GRAMD1B: variants seen among roughly 807,000 people sequenced by gnomAD.
GRAMD1B encodes the protein GRAM domain containing 1B, also known as protein Aster-B.
In GRAMD1B, 37 loss-of-function variants were observed where a neutral mutation model predicts 99.7. That is an observed-to-expected ratio of 0.37 (90% confidence interval 0.29 to 0.49). The LOEUF is 0.49. Among genes scored for constraint, GRAMD1B ranks in the 20% least tolerant of loss-of-function variants. The pLI, the probability that GRAMD1B is intolerant of heterozygous loss-of-function variation, is 0.98. For missense variants in GRAMD1B, 888 were observed against 1,009.2 expected (o/e 0.88, Z 1.63); for synonymous variants, 427 against 387.6 (o/e 1.10, Z -1.19).
chr11:123,555,803 G>A (rs1347013454), intron 2 of GRAMD1B, among the ~76,000 whole-genome samples: 3 of 151,778 alleles, frequency 2.0e-5, no homozygotes, highest in African/African-American at 4.8e-5. Flanking sequence ...GCACGATCTC[G>A]GCTCACCACA....
Position 123,626,036 on chromosome 11 carries a change from C to G in GRAMD1B, c.*3441C>G, listed in dbSNP as rs1209079949. ...TTAGAAGGGTTTCTTTCTCTTTGGC[C>G]TAGTTTGTGAAGGGATCTTCCTTTG... On this transcript the variant is annotated 3_prime_UTR_variant, in exon 20 of 20. Coordinates refer to ENST00000635736, the MANE Select transcript of GRAMD1B (RefSeq NM_001387025.1). 6.7e-6 allele frequency: 1 copy of G among 149,638 alleles called. No individual in the cohort carries two copies. Among genetic ancestry groups the G allele is most frequent in the Non-Finnish European group, 1.5e-5 (1 of 67,740 alleles). The allele number at this position is 149,638 out of a possible 1,614,324, so 9.3% of individuals were successfully genotyped here. A position where few individuals can be genotyped will look rare whatever the true frequency, so the allele number is the denominator to read the frequency against.
chr11:123,422,860 C>T (rs555571949), intron 1 of GRAMD1B, among the ~76,000 whole-genome samples: 5 of 152,296 alleles, frequency 3.3e-5, no homozygotes, highest in South Asian at 2.1e-4. Flanking sequence ...CCTTCTCCCT[C>T]GTGTTCACTC....
chr11:123,541,986 C>T (rs1944582694), intron 2 of GRAMD1B, among the ~76,000 whole-genome samples: 1 of 152,148 alleles, frequency 6.6e-6, no homozygotes, highest in African/African-American at 2.4e-5. Flanking sequence ...GCATCAGGTG[C>T]CAGGTAGATG....
chr11:123,573,644 C>T (rs556569467), intron 2 of GRAMD1B, among the ~76,000 whole-genome samples: 1 of 152,144 alleles, frequency 6.6e-6, no homozygotes, highest in Non-Finnish European at 1.5e-5. Context: ...AAATATATCA[C>T]CTGAAAAATG....
chr11:123,481,530 G>A (rs1951608498), intron 2 of GRAMD1B, among the ~76,000 whole-genome samples: 1 of 152,218 alleles, frequency 6.6e-6, no homozygotes, highest in East Asian at 1.9e-4. Context: ...TGGGTACAAT[G>A]TGGGTCAGGA....
At chr11:123,365,275 A>G (rs927626311) in intron 1 of GRAMD1B, among the ~76,000 whole-genome samples, 3 of 149,436 alleles carry the variant, frequency 2.0e-5, no homozygotes, top group Non-Finnish European at 4.4e-5. Flanking sequence ...TTTTTTTAAC[A>G]GCGTCTCACA....
chr11:123,443,999 T>C (rs1422197810), intron 1 of GRAMD1B, among the ~76,000 whole-genome samples: 1 of 152,076 alleles, frequency 6.6e-6, no homozygotes, highest in Non-Finnish European at 1.5e-5. Context: ...CCAAAGTTCT[T>C]ATTATGTAGA....
At position 123,457,181 on chromosome 11, in the gene GRAMD1B, A is replaced by G. The variant is rs147923416; in HGVS notation, c.375-23635A>G. Among the ~76,000 whole-genome samples, 173 of 139,514 alleles carry G rather than the reference A, an allele frequency of 1.2e-3. 2 individuals carry two copies. In the East Asian group the frequency reaches 0.031, roughly 25 times the overall value. 91.5% of individuals were successfully genotyped at this position (139,514 alleles called of 152,430 possible). ...CTCGAATCCCTTCCTGCTGTGAAGT[A>G]TCGGCTCATGATTTTATTAATAAAA... On this transcript the variant is annotated intron_variant, in intron 1 of 19. Coordinates refer to ENST00000635736, the MANE Select transcript of GRAMD1B (RefSeq NM_001387025.1).
At chr11:123,583,198 G>A (rs1949603659) in intron 3 of GRAMD1B, among the ~76,000 whole-genome samples, 1 of 151,828 alleles carries the variant, frequency 6.6e-6, no homozygotes, top group South Asian at 2.1e-4. Context: ...GTATATGTGT[G>A]TGTACGTGTA....
At chr11:123,614,191 A>G (rs1263411192) in intron 16 of GRAMD1B, among the ~76,000 whole-genome samples, 4 of 152,154 alleles carry the variant, frequency 2.6e-5, no homozygotes, top group Admixed American at 2.0e-4. Context: ...GGCCTTAGAG[A>G]CCAACTAATT....
At chr11:123,445,947 A>C (rs1591551551) in intron 1 of GRAMD1B, among the ~76,000 whole-genome samples, 1 of 152,156 alleles carries the variant, frequency 6.6e-6, no homozygotes, top group Non-Finnish European at 1.5e-5. Context: ...GTTCTACCTA[A>C]GATCTAACTG....
chr11:123,580,966 C>T (rs1465139798), intron 3 of GRAMD1B, among the ~76,000 whole-genome samples: 5 of 150,590 alleles, frequency 3.3e-5, no homozygotes, highest in African/African-American at 1.2e-4. Context: ...TTAACCTGAT[C>T]AAAGTAAGAA....
chr11:123,372,256 G>A (rs1184200989), intron 1 of GRAMD1B, among the ~76,000 whole-genome samples: 1 of 152,164 alleles, frequency 6.6e-6, no homozygotes, highest in Non-Finnish European at 1.5e-5. Context: ...GTTTTATGGT[G>A]AATTCTAGAT....
intron 1 of GRAMD1B, among the ~76,000 whole-genome samples, chr11:123,402,089 C>T (rs1270541459): frequency 1.3e-5 from 2 of 152,202 alleles, no homozygotes; most frequent in African/African-American, 4.8e-5. Context: ...AATCTTGGCT[C>T]ACTGCAACCT....
chr11:123,542,619 G>A (rs910534889), intron 2 of GRAMD1B, among the ~76,000 whole-genome samples: 4 of 152,174 alleles, frequency 2.6e-5, no homozygotes, highest in Admixed American at 6.5e-5. Flanking sequence ...CATTCTATGC[G>A]GAGAGAATGA....
Position 123,595,977 on chromosome 11 carries a change from T to C in GRAMD1B, c.909T>C (p.Thr303=). The change falls in exon 7 of 20, where the codon ACT becomes ACC. Residue 303 remains threonine, a synonymous_variant. Coordinates refer to ENST00000635736, the MANE Select transcript of GRAMD1B (RefSeq NM_001387025.1). ...GTTTGAAAGACATCTGTTCCATGAC[T>C]AAAGAAAAAACAGCTCGCCTCATTC... The part of the protein sequence containing the change: ...TVRLKDICSM[T]KEKTARLIPN... 1 of 1,609,564 alleles carries C rather than the reference T, an allele frequency of 6.2e-7. No homozygotes were observed.
At chr11:123,435,700 C>A (rs1192991646) in intron 1 of GRAMD1B, 2 of 415,684 alleles carry the variant, frequency 4.8e-6, no homozygotes, top group Non-Finnish European at 8.5e-6. Context: ...TAAATGATTC[C>A]TTTTTCTCTA....
chr11:123,601,727 C>T (rs1005819170), intron 8 of GRAMD1B, among the ~76,000 whole-genome samples: 2 of 152,310 alleles, frequency 1.3e-5, no homozygotes, highest in Admixed American at 6.5e-5. Context: ...CCTTCACTTG[C>T]CATCAGTAAT....
chr11:123,496,802 T>G (rs1184115460), intron 2 of GRAMD1B, among the ~76,000 whole-genome samples: 1 of 152,068 alleles, frequency 6.6e-6, no homozygotes, highest in East Asian at 1.9e-4. Context: ...CTTAATTCAT[T>G]TTAATAATTT....
Sources: allele counts gnomAD v4.1 joint callset (sites outside exome capture counted in the v4.1 genomes callset), GRCh38; gene constraint gnomAD v4.1.1; transcripts MANE v1.5; gene names NCBI Gene and HGNC (gene_info 2026-07-23, HGNC 2026-07-21).